GLYCTK: variants seen among roughly 807,000 people sequenced by gnomAD.
GLYCTK encodes HBeAg binding protein 4.
Under a neutral mutation model 24.8 loss-of-function variants are expected in GLYCTK, and 22 were observed. The ratio of observed to expected loss-of-function variants is 0.89; its 90% CI spans 0.63 to 1.27. The LOEUF is 1.27. Among genes scored for constraint, GLYCTK ranks in the 50% most tolerant of loss-of-function variants. The pLI is 0.00. For missense variants in GLYCTK, 684 were observed against 686.7 expected, an observed-to-expected ratio of 1.00 and a Z score of 0.04; for synonymous variants, 320 against 297.2, an observed-to-expected ratio of 1.08 and a Z score of -0.79.
At chr3:52,290,057 A>G (rs1285200207) in intron 1 of GLYCTK, 4 of 505,280 alleles carry the variant, frequency 7.9e-6, no homozygotes, top group Non-Finnish European at 1.4e-5. Flanking sequence ...GACTTGAGGC[A>G]GAGTATCCAG....
Position 52,290,591 on chromosome 3 carries a change from G to A in GLYCTK, c.249G>A (p.Leu83=). ...TTCAGCTGAGGCAAAACCTCTACCTGGTGGGCTTTGGCAAGGCTGTGCTGG... is the reference window on the plus strand; with the variant it reads ...TTCAGCTGAGGCAAAACCTCTACCTAGTGGGCTTTGGCAAGGCTGTGCTGG... ...RNFQLRQNLY[L]VGFGKAVLGM... The change falls in exon 2 of 5, where the codon CTG becomes CTA. Residue 83 remains leucine, a synonymous_variant. Transcript: ENST00000436784. The A allele has an allele frequency of 6.2e-7, 1 of 1,613,966 alleles. No individual in the cohort carries two copies. The highest frequency in any genetic ancestry group is 1.7e-5 in the Admixed American group (1 of 60,030).
At position 52,294,923 on chromosome 3, in the gene GLYCTK, A is replaced by T; in HGVS notation, c.*1797A>T. 1 of 454,070 alleles carries T rather than the reference A, an allele frequency of 2.2e-6. No homozygotes were observed. Among genetic ancestry groups the T allele is most frequent in the Non-Finnish European group, 4.4e-6 (1 of 226,780 alleles). The allele number at this position is 454,070 out of a possible 1,614,324, so 28.1% of individuals were successfully genotyped here. ...AGAGTGGGAATGCATCTCTGAGTGT[A>T]CACATAGATACTTAGTACAGGGCAC... On this transcript the variant is annotated 3_prime_UTR_variant, in exon 5 of 5. Transcript: ENST00000436784.
In GLYCTK at chr3:52,294,827, G is replaced by T. The variant is rs114516529; in HGVS notation, c.*1701G>T. On this transcript the variant is annotated 3_prime_UTR_variant, in exon 5 of 5. Transcript: ENST00000436784. The stretch of plus-strand genomic sequence containing the variant: ...CAGGGGCTGCAGGAGCTGAGGGCCT[G>T]GCAGCCATGTCCCCAGTGTGTGTGT... 1,780 of 454,074 alleles carry T rather than the reference G, an allele frequency of 3.9e-3. 21 individuals carry two copies. Among genetic ancestry groups the T allele is most frequent in the African/African-American group, 0.033 (1,643 of 50,090 alleles). The allele number at this position is 454,074 out of a possible 1,614,324, so 28.1% of individuals were successfully genotyped here.
chr3:52,293,889 A>G lies in GLYCTK; in HGVS notation c.*763A>G. 2.2e-6 allele frequency: 1 copy of G among 454,032 alleles called. No homozygotes were observed. Among genetic ancestry groups the G allele is most frequent in the South Asian group, 1.6e-5 (1 of 64,474 alleles). The allele number at this position is 454,032 out of a possible 1,614,324, so 28.1% of individuals were successfully genotyped here. A position where few individuals can be genotyped will look rare whatever the true frequency, so the allele number is the denominator to read the frequency against. On this transcript the variant is annotated 3_prime_UTR_variant, in exon 5 of 5. Transcript: ENST00000436784. Reference sequence around the variant, plus strand: ...CATACTGCACTTCTGGTTGAGCTGAAGTTTGTCCCACCCCCCAGTGCTGTT... The same window carrying G: ...CATACTGCACTTCTGGTTGAGCTGAGGTTTGTCCCACCCCCCAGTGCTGTT...
chr3:52,291,934 T>G lies in GLYCTK; in HGVS notation c.705+12T>G. 1 of 1,609,216 alleles carries G rather than the reference T, an allele frequency of 6.2e-7. No individual in the cohort carries two copies. The highest frequency in any genetic ancestry group is 8.5e-7 in the Non-Finnish European group (1 of 1,177,080). Reference sequence around the variant, plus strand: ...CCTACCCTGCCCAGGTATGAGTCCCTTCTTCCCCAGGCAACCTTGGGTTGG... The same window carrying G: ...CCTACCCTGCCCAGGTATGAGTCCCGTCTTCCCCAGGCAACCTTGGGTTGG... On this transcript the variant is annotated intron_variant, in intron 4 of 4. Transcript: ENST00000436784.
intron 2 of GLYCTK, 22 bp from the exon 3 acceptor site, chr3:52,290,938 G>A (rs754842677): frequency 7.7e-5 from 124 of 1,613,776 alleles, no homozygotes; most frequent in Non-Finnish European, 1.0e-4. Flanking sequence ...CATCTCTTGC[G>A]TGCTGACCTT....
rs749040682 is a variant in GLYCTK, at chr3:52,291,780, C to T, written c.563C>T (p.Pro188Leu). Reference protein sequence around the residue: ...GGSALLPAPIPPVTLEEKQTL... With the variant: ...GGSALLPAPILPVTLEEKQTL... ...TCAGCTCTGCTGCCTGCCCCCATCCCACCTGTCACACTGGAGGAGAAGCAG... is the reference window on the plus strand; with the variant it reads ...TCAGCTCTGCTGCCTGCCCCCATCCTACCTGTCACACTGGAGGAGAAGCAG... The change falls in exon 4 of 5, where the codon CCA (proline) becomes CTA (leucine). Residue 188 changes from proline to leucine, a missense_variant. Physicochemically the swap from Pro to Leu is moderately conservative, Grantham distance 98. Coordinates refer to ENST00000436784, the MANE Select transcript of GLYCTK (RefSeq NM_145262.4). 1.9e-6 allele frequency: 3 copies of T among 1,613,780 alleles called. No individual in the cohort carries two copies. The highest frequency in any genetic ancestry group is 2.5e-6 in the Non-Finnish European group (3 of 1,180,006).
Position 52,293,414 on chromosome 3 carries a change from C to T in GLYCTK, c.*288C>T. On this transcript the variant is annotated 3_prime_UTR_variant, in exon 5 of 5. Transcript: ENST00000436784. ...CCTTGGGCAGCCTCTCTCTTGAGCC[C>T]CTCACCCTGTTTCTTTCTGTGAAGC... 1 of 651,102 alleles carries T rather than the reference C, an allele frequency of 1.5e-6. No homozygotes were observed. Among genetic ancestry groups the T allele is most frequent in the Non-Finnish European group, 2.8e-6 (1 of 351,840 alleles). The allele number at this position is 651,102 out of a possible 1,614,324, so 40.3% of individuals were successfully genotyped here. A position where few individuals can be genotyped will look rare whatever the true frequency, so the allele number is the denominator to read the frequency against.
rs768960388 is a variant in GLYCTK at position 52,292,391 on chromosome 3, C to G, written c.837C>G (p.Ala279=). 6.2e-7 allele frequency: 1 copy of G among 1,613,932 alleles called. No homozygotes were observed. The highest frequency in any genetic ancestry group is 8.5e-7 in the Non-Finnish European group (1 of 1,179,996). The stretch of plus-strand genomic sequence containing the variant: ...TCAATCGCTACGGCCTCCGTGCAGC[C>G]CTGCCACGTTCTGTGAAGACTGTGC... ...HILNRYGLRA[A]LPRSVKTVLS... The change falls in exon 5 of 5, where the codon GCC becomes GCG. Residue 279 remains alanine (A), a synonymous_variant. Transcript: ENST00000436784.
rs761316967 is a variant in GLYCTK at position 52,292,509 on chromosome 3, G to T, written c.955G>T (p.Ala319Ser). The T allele has an allele frequency of 2.5e-6, 4 of 1,613,746 alleles. No homozygotes were observed. In the South Asian group the frequency reaches 4.4e-5, roughly 18 times the overall value. The change falls in exon 5 of 5, where the codon GCC becomes TCC. Residue 319 changes from alanine to serine, a missense_variant. Physicochemically the swap from Ala to Ser is moderately conservative, Grantham distance 99. Transcript: ENST00000436784. The part of the protein sequence containing the change: ...IGSNVLALAE[A>S]QRQAEALGYQ... ...CTCTAATGTGCTGGCGCTAGCTGAG[G>T]CCCAGCGGCAGGCCGAGGCACTGGG...
chr3:52,293,204 G>A lies in GLYCTK; in HGVS notation c.*78G>A, dbSNP rs1316670517. On this transcript the variant is annotated 3_prime_UTR_variant, in exon 5 of 5. Coordinates refer to ENST00000436784, the MANE Select transcript of GLYCTK (RefSeq NM_145262.4). The stretch of plus-strand genomic sequence containing the variant: ...GATGGCAGAGCAAGGTTGGTCCTCA[G>A]GGCCTCTCTAAGCCTTAGGGCCCCT... 6.7e-7 allele frequency: 1 copy of A among 1,500,854 alleles called. No homozygotes were observed. Among genetic ancestry groups the A allele is most frequent in the Non-Finnish European group, 9.2e-7 (1 of 1,089,962 alleles). The allele number at this position is 1,500,854 out of a possible 1,614,324, so 93.0% of individuals were successfully genotyped here. A position where few individuals can be genotyped will look rare whatever the true frequency, so the allele number is the denominator to read the frequency against.
chr3:52,291,552 C>T, intron 3 of GLYCTK, 195 bp from the exon 4 acceptor site: 1 of 605,456 alleles, frequency 1.7e-6, no homozygotes, highest in Non-Finnish European at 2.9e-6. Flanking sequence ...CCTACTGGGA[C>T]CTGGGGTACC....
At chr3:52,290,806 C>G in intron 2 of GLYCTK, 87 bp downstream of exon 2, 1 of 1,581,890 alleles carries the variant, frequency 6.3e-7, no homozygotes. Context: ...CTCCCCTCCC[C>G]ACCCGCTTCC....
In GLYCTK at chr3:52,290,590, T is replaced by C. The variant is rs749279963; in HGVS notation, c.248T>C (p.Leu83Pro). 6.2e-6 allele frequency: 10 copies of C among 1,613,772 alleles called. No individual in the cohort carries two copies. Among genetic ancestry groups the C allele is most frequent in the Non-Finnish European group, 7.6e-6 (9 of 1,180,030 alleles). ...RNFQLRQNLY[L>P]VGFGKAVLGM... ...TTTCAGCTGAGGCAAAACCTCTACC[T>C]GGTGGGCTTTGGCAAGGCTGTGCTG... Residue 83 changes from leucine to proline, a missense_variant, in exon 2 of 5, where the codon CTG (leucine) becomes CCG (proline). Coordinates refer to ENST00000436784, the MANE Select transcript of GLYCTK (RefSeq NM_145262.4).
chr3:52,289,699 T>G (rs1194720102), intron 1 of GLYCTK, among the ~76,000 whole-genome samples: 1 of 152,212 alleles, frequency 6.6e-6, no homozygotes, highest in Non-Finnish European at 1.5e-5. Context: ...TTGCTTGCCC[T>G]GAGGATGTGT....
rs936701183 is a variant in GLYCTK, at chr3:52,295,254, T to G, written c.*2128T>G. On this transcript the variant is annotated 3_prime_UTR_variant, in exon 5 of 5. Coordinates refer to ENST00000436784, the MANE Select transcript of GLYCTK (RefSeq NM_145262.4). The stretch of plus-strand genomic sequence containing the variant: ...TCCATAAATGTCAATTTTGGATCAT[T>G]GAAGTGCCCGTCCCTTGCTCTTGGC... 1 of 437,088 alleles carries G rather than the reference T, an allele frequency of 2.3e-6. No individual in the cohort carries two copies. The highest frequency in any genetic ancestry group is 2.4e-5 in the Admixed American group (1 of 41,976). The allele number at this position is 437,088 out of a possible 1,614,324, so 27.1% of individuals were successfully genotyped here. A position where few individuals can be genotyped will look rare whatever the true frequency, so the allele number is the denominator to read the frequency against.
chr3:52,290,064 C>T, intron 1 of GLYCTK: 2 of 528,490 alleles, frequency 3.8e-6, no homozygotes, highest in Non-Finnish European at 6.7e-6. Context: ...GGCAGAGTAT[C>T]CAGAGGGCCG....
Position 52,293,646 on chromosome 3 carries a change from C to G in GLYCTK, c.*520C>G, listed in dbSNP as rs1025560981. On this transcript the variant is annotated 3_prime_UTR_variant, in exon 5 of 5. Transcript: ENST00000436784. The stretch of plus-strand genomic sequence containing the variant: ...ATAACGGGAGCCTGTGCCCATCCCT[C>G]TGGAGTGTGTGAGGGTTGAGCTTGG... The G allele has an allele frequency of 2.2e-6, 1 of 454,316 alleles. No homozygotes were observed. The highest frequency in any genetic ancestry group is 2.3e-5 in the Admixed American group (1 of 42,572). 28.1% of individuals were successfully genotyped at this position (454,316 alleles called of 1,614,324 possible).
Position 52,293,131 on chromosome 3 carries a change from A to G in GLYCTK, c.*5A>G, listed in dbSNP as rs764903675. 3 of 1,613,372 alleles carry G rather than the reference A, an allele frequency of 1.9e-6. No individual in the cohort carries two copies. Among genetic ancestry groups the G allele is most frequent in the Non-Finnish European group, 2.5e-6 (3 of 1,180,028 alleles). The stretch of plus-strand genomic sequence containing the variant: ...TTGTTCCTGCGGCCTCGGTGATGGC[A>G]TAGGTCACATTTTGGGAGTTCAGAG... On this transcript the variant is annotated 3_prime_UTR_variant, in exon 5 of 5. Coordinates refer to ENST00000436784, the MANE Select transcript of GLYCTK (RefSeq NM_145262.4).
Sources: gnomAD v4.1 joint callset for allele counts (sites outside exome capture counted in the v4.1 genomes callset) on GRCh38, gnomAD v4.1.1 for gene constraint, MANE v1.5 for transcripts, NCBI Gene and HGNC (gene_info 2026-07-23, HGNC 2026-07-21) for gene names.